Variants in POTEJ observed in about 807,000 individuals in gnomAD.
The protein encoded by POTEJ is POTE ankyrin domain family, member J.
In POTEJ, 11 loss-of-function variants were observed where a neutral mutation model predicts 69.0. That is an observed-to-expected ratio of 0.16 (90% CI 0.10 to 0.26). The LOEUF (loss-of-function observed/expected upper bound fraction) is 0.26, where lower values mean the gene tolerates loss of function less well. Among genes scored for constraint, POTEJ ranks in the 10% least tolerant of loss-of-function variants. POTEJ has a pLI of 1.00. For missense variants in POTEJ, 327 were observed against 1,045.5 expected, an observed-to-expected ratio of 0.31 and a Z score of 9.48; for synonymous variants, 117 against 381.1, an observed-to-expected ratio of 0.31 and a Z score of 8.07.
intron 13 of POTEJ, among the ~76,000 whole-genome samples, chr2:130,646,652 T>G (rs1558931033): frequency 6.9e-6 from 1 of 145,558 alleles, no homozygotes; most frequent in Non-Finnish European, 1.5e-5. Context: ...AGCCACATAA[T>G]AAACAAAATA....
chr2:130,636,825 G>T (rs1405515488), intron 9 of POTEJ, among the ~76,000 whole-genome samples: 1 of 147,892 alleles, frequency 6.8e-6, no homozygotes, highest in Non-Finnish European at 1.5e-5. Flanking sequence ...GGGCATGGTG[G>T]CTCACACCTG....
At chr2:130,625,721 G>C (rs1423577792) in intron 6 of POTEJ, among the ~76,000 whole-genome samples, 1 of 142,918 alleles carries the variant, frequency 7.0e-6, no homozygotes, top group African/African-American at 2.8e-5. Flanking sequence ...GGGTTTCTGA[G>C]CAGTTCACTT....
intron 10 of POTEJ, among the ~76,000 whole-genome samples, chr2:130,642,827 C>T (rs1160512379): frequency 6.2e-3 from 938 of 151,408 alleles, no homozygotes; most frequent in Non-Finnish European, 9.4e-3. Flanking sequence ...GCCTCGCTCC[C>T]GCTCTTGCTG....
At chr2:130,630,864 T>G (rs1200541995) in intron 7 of POTEJ, among the ~76,000 whole-genome samples, 1 of 144,036 alleles carries the variant, frequency 6.9e-6, no homozygotes, top group East Asian at 1.9e-4. Flanking sequence ...ATAATCTCAA[T>G]TAAAATTGGA....
intron 9 of POTEJ, among the ~76,000 whole-genome samples, chr2:130,636,518 C>T (rs1686099245): frequency 6.8e-6 from 1 of 146,550 alleles, no homozygotes; most frequent in Non-Finnish European, 1.5e-5. Context: ...ACTCTTCTGG[C>T]CATCTCAACT....
intron 11 of POTEJ, among the ~76,000 whole-genome samples, chr2:130,644,598 A>G (rs895273570): frequency 1.3e-5 from 2 of 152,104 alleles, no homozygotes; most frequent in African/African-American, 4.8e-5. Flanking sequence ...AACCCACTAT[A>G]AAATTTAAAA....
intron 13 of POTEJ, among the ~76,000 whole-genome samples, chr2:130,646,867 G>A (rs1686596575): frequency 6.8e-6 from 1 of 147,790 alleles, no homozygotes; most frequent in Admixed American, 6.7e-5. Flanking sequence ...TTGCTGCAGG[G>A]GAAATGGTTT....
At chr2:130,640,285 CACTTT>C (rs1399255588) in intron 10 of POTEJ, among the ~76,000 whole-genome samples, 1 of 140,914 alleles carries the variant, frequency 7.1e-6, no homozygotes, top group African/African-American at 2.9e-5. Context: ...CTGAGCAGTT[CACTTT>C]TGGTATTACC....
At chr2:130,612,096 CTTTA>C (rs1383212131) in intron 1 of POTEJ, among the ~76,000 whole-genome samples, 154 bp downstream of exon 1, 1 of 152,048 alleles carries the variant, frequency 6.6e-6, no homozygotes, top group Non-Finnish European at 1.5e-5. Flanking sequence ...GCACAGGCCC[CTTTA>C]TGAACAGCAA....
chr2:130,637,280 T>C (rs1466902417), intron 9 of POTEJ, among the ~76,000 whole-genome samples: 1 of 151,068 alleles, frequency 6.6e-6, no homozygotes, highest in African/African-American at 2.4e-5. Context: ...TATGGTAAAC[T>C]GAGTCAGAGG....
intron 13 of POTEJ, among the ~76,000 whole-genome samples, chr2:130,646,998 A>G (rs1407862633): frequency 6.7e-6 from 1 of 150,016 alleles, no homozygotes; most frequent in Admixed American, 6.6e-5. Flanking sequence ...GGATATTTGT[A>G]TAGATATGTT....
intron 1 of POTEJ, among the ~76,000 whole-genome samples, chr2:130,612,515 C>A (rs1243546036): frequency 1.3e-5 from 2 of 152,278 alleles, no homozygotes; most frequent in Non-Finnish European, 2.9e-5. Context: ...GCCTGTAATC[C>A]CAGCACTTTG....
intron 6 of POTEJ, among the ~76,000 whole-genome samples, chr2:130,626,658 C>T (rs1685718163): frequency 6.6e-6 from 1 of 152,298 alleles, no homozygotes; most frequent in Admixed American, 6.5e-5. Context: ...ATGGAAGGTT[C>T]TTTACCCTGT....
At chr2:130,636,272 C>T (rs1159829255) in intron 9 of POTEJ, among the ~76,000 whole-genome samples, 2 of 152,208 alleles carry the variant, frequency 1.3e-5, no homozygotes, top group Non-Finnish European at 2.9e-5. Flanking sequence ...TGAGGAAGAA[C>T]CGTGTACTAC....
At position 130,657,089 on chromosome 2, in the gene POTEJ, G is replaced by C. The variant is rs780001975; in HGVS notation, c.2329G>C (p.Ala777Pro). The C allele has an allele frequency of 6.3e-7, 1 of 1,579,606 alleles. No individual in the cohort carries two copies. The highest frequency in any genetic ancestry group is 8.6e-7 in the Non-Finnish European group (1 of 1,156,464). Residue 777 changes from alanine to proline, a missense_variant, in exon 15 of 15, where the codon GCC (alanine) becomes CCC (proline). Physicochemically the swap from Ala to Pro is conservative, Grantham distance 27 (BLOSUM62 -1). Coordinates refer to ENST00000409602, the MANE Select transcript of POTEJ (RefSeq NM_001277083.2). ...LLTEAPLNPK[A>P]NREKMTQIMF... is the part of the protein sequence containing the mutation. Reference sequence around the variant, plus strand: ...GACCGAGGCCCCCCTGAACCCCAAGGCCAACCGCGAGAAGATGACCCAGAT... The same window carrying C: ...GACCGAGGCCCCCCTGAACCCCAAGCCCAACCGCGAGAAGATGACCCAGAT...
chr2:130,633,827 AG>A (rs1365734054), intron 9 of POTEJ, among the ~76,000 whole-genome samples: 2 of 143,024 alleles, frequency 1.4e-5, no homozygotes, highest in Middle Eastern at 3.6e-3. Flanking sequence ...AATATATCAA[AG>A]GATCTTTCAT....
chr2:130,642,950 T>A (rs1686447184), intron 10 of POTEJ, among the ~76,000 whole-genome samples: 1 of 150,388 alleles, frequency 6.6e-6, no homozygotes, highest in Admixed American at 6.6e-5. Context: ...TCTGACAGGC[T>A]TTATTTTAAT....
intron 1 of POTEJ, among the ~76,000 whole-genome samples, chr2:130,612,714 G>A (rs1685257368): frequency 8.7e-6 from 1 of 114,954 alleles, no homozygotes; most frequent in Non-Finnish European, 1.7e-5. Flanking sequence ...AGTGAGCCAA[G>A]ATAGTGCCAC....
At chr2:130,654,789 A>T in intron 13 of POTEJ, 132 bp from the exon 14 acceptor site, 1 of 561,038 alleles carries the variant, frequency 1.8e-6, no homozygotes, top group South Asian at 2.2e-5. Context: ...AACAGATGTG[A>T]GACCCCTTTG....
Sources: gnomAD v4.1 joint callset for allele counts (sites outside exome capture counted in the v4.1 genomes callset) on GRCh38, gnomAD v4.1.1 for gene constraint, MANE v1.5 for transcripts, NCBI Gene and HGNC (gene_info 2026-07-23, HGNC 2026-07-21) for gene names.